The following HS2ST1 variants were observed in gnomAD, a reference collection of about 807,000 sequenced individuals.
HS2ST1 encodes heparan sulfate 2-O-sulfotransferase 1.
Under a neutral mutation model 42.9 loss-of-function variants are expected in HS2ST1, and 18 were observed. That is an observed-to-expected ratio of 0.42 (90% CI 0.29 to 0.62). The LOEUF is 0.62. Ranked by LOEUF, HS2ST1 falls within the 20% of genes least tolerant of loss-of-function variation. HS2ST1 has a pLI of 0.21. For missense variants in HS2ST1, 334 were observed against 433.8 expected (o/e 0.77, Z 2.04); for synonymous variants, 146 against 152.9 (o/e 0.95, Z 0.33).
chr1:87,095,854 T>C (rs1652047356), intron 4 of HS2ST1, among the ~76,000 whole-genome samples: 1 of 152,028 alleles, frequency 6.6e-6, no homozygotes, highest in Non-Finnish European at 1.5e-5. Context: ...ACATAAATTA[T>C]ATTTTAATGC....
intron 1 of HS2ST1, among the ~76,000 whole-genome samples, chr1:86,962,071 T>C (rs778720315): frequency 5.3e-5 from 8 of 152,170 alleles, no homozygotes; most frequent in Non-Finnish European, 1.0e-4. Context: ...TCTATACATC[T>C]AGTTTAATGT....
At chr1:86,974,452 C>G (rs1358069147) in intron 1 of HS2ST1, among the ~76,000 whole-genome samples, 1 of 152,138 alleles carries the variant, frequency 6.6e-6, no homozygotes, top group African/African-American at 2.4e-5. Context: ...TTATAATAAA[C>G]TGGTAAATGT....
At chr1:87,057,806 A>G (rs1013752611) in intron 1 of HS2ST1, among the ~76,000 whole-genome samples, 2 of 151,646 alleles carry the variant, frequency 1.3e-5, no homozygotes, top group Admixed American at 6.6e-5. Flanking sequence ...AGCTGAGATC[A>G]TGCCACTGCA....
chr1:86,996,072 A>G (rs1017486112), intron 1 of HS2ST1, among the ~76,000 whole-genome samples: 6 of 152,156 alleles, frequency 3.9e-5, no homozygotes, highest in Admixed American at 2.6e-4. Context: ...GATAGCCTGT[A>G]ACTAGGTAGG....
chr1:87,062,923 A>G (rs1651153520), intron 1 of HS2ST1, among the ~76,000 whole-genome samples: 1 of 152,176 alleles, frequency 6.6e-6, no homozygotes, highest in Non-Finnish European at 1.5e-5. Context: ...ATACAGGTGC[A>G]TTCAAGACTT....
chr1:86,956,838 T>C (rs965365965), intron 1 of HS2ST1, among the ~76,000 whole-genome samples: 3 of 152,240 alleles, frequency 2.0e-5, no homozygotes, highest in African/African-American at 7.2e-5. Flanking sequence ...TCTTTACACT[T>C]TGAGTAACAT....
intron 1 of HS2ST1, among the ~76,000 whole-genome samples, chr1:87,068,913 A>T (rs1352666398): frequency 6.6e-6 from 1 of 152,106 alleles, no homozygotes; most frequent in Admixed American, 6.6e-5. Flanking sequence ...GGCTTGTCTC[A>T]AACTCCTCGG....
At chr1:86,986,255 A>G (rs1433203758) in intron 1 of HS2ST1, among the ~76,000 whole-genome samples, 3 of 152,140 alleles carry the variant, frequency 2.0e-5, no homozygotes, top group Admixed American at 6.5e-5. Context: ...ATGTAAATTT[A>G]TAACAGAAAA....
chr1:86,986,413 C>G (rs1175621202), intron 1 of HS2ST1, among the ~76,000 whole-genome samples: 1 of 152,184 alleles, frequency 6.6e-6, no homozygotes, highest in Non-Finnish European at 1.5e-5. Flanking sequence ...TTCCGATTCT[C>G]TCACTTGTAG....
At chr1:87,063,889 T>G (rs1651180604) in intron 1 of HS2ST1, among the ~76,000 whole-genome samples, 1 of 152,190 alleles carries the variant, frequency 6.6e-6, no homozygotes, top group African/African-American at 2.4e-5. Context: ...ACCTGAGCAT[T>G]TTTGTATTAT....
intron 1 of HS2ST1, among the ~76,000 whole-genome samples, chr1:87,031,726 A>G (rs764203251): frequency 2.8e-4 from 43 of 152,204 alleles, no homozygotes; most frequent in Non-Finnish European, 5.7e-4. Context: ...GACTGAATAT[A>G]TAATATATGG....
chr1:86,920,866 C>T (rs144054417), intron 1 of HS2ST1, among the ~76,000 whole-genome samples: 5 of 152,250 alleles, frequency 3.3e-5, no homozygotes, highest in African/African-American at 1.2e-4. Context: ...TGTTGCCTCA[C>T]TTACCTAAAG....
intron 1 of HS2ST1, among the ~76,000 whole-genome samples, chr1:86,996,192 C>T (rs971379769): frequency 1.3e-5 from 2 of 151,986 alleles, no homozygotes; most frequent in Non-Finnish European, 2.9e-5. Context: ...CCTGTAATCC[C>T]AGCACTTTGG....
chr1:86,922,110 G>A (rs1660311887), intron 1 of HS2ST1, among the ~76,000 whole-genome samples: 2 of 150,396 alleles, frequency 1.3e-5, no homozygotes, highest in Admixed American at 6.6e-5. Context: ...AGGATTAAAG[G>A]GGTATTTTTA....
intron 1 of HS2ST1, among the ~76,000 whole-genome samples, chr1:86,967,237 A>G (rs1314400052): frequency 1.3e-5 from 2 of 152,172 alleles, no homozygotes; most frequent in Non-Finnish European, 2.9e-5. Context: ...TAGTTTCTAA[A>G]AGTGGCGTAT....
intron 1 of HS2ST1, among the ~76,000 whole-genome samples, chr1:86,981,570 A>G (rs1293316230): frequency 6.6e-6 from 1 of 152,232 alleles, no homozygotes; most frequent in African/African-American, 2.4e-5. Flanking sequence ...AAGGGGCCAT[A>G]GGCTCCATGC....
At chr1:86,947,726 A>C (rs1014791717) in intron 1 of HS2ST1, among the ~76,000 whole-genome samples, 1 of 151,960 alleles carries the variant, frequency 6.6e-6, no homozygotes, top group African/African-American at 2.4e-5. Context: ...ATTTATTCAG[A>C]GTTATTATAT....
intron 1 of HS2ST1, among the ~76,000 whole-genome samples, chr1:87,024,990 G>A (rs181070124): frequency 5.3e-5 from 8 of 152,170 alleles, no homozygotes; most frequent in African/African-American, 1.9e-4. Flanking sequence ...ATCTAAGGTC[G>A]ACTACCACAG....
intron 1 of HS2ST1, among the ~76,000 whole-genome samples, chr1:86,993,375 G>A (rs551160734): frequency 1.3e-5 from 2 of 152,128 alleles, no homozygotes; most frequent in African/African-American, 4.8e-5. Context: ...GGCGGTGGGC[G>A]GGGGGTTGTT....
Sources: allele counts gnomAD v4.1 joint callset (sites outside exome capture counted in the v4.1 genomes callset), GRCh38; gene constraint gnomAD v4.1.1; transcripts MANE v1.5; gene names NCBI Gene and HGNC (gene_info 2026-07-23, HGNC 2026-07-21).